Variants in TSPAN16 observed in about 807,000 individuals in gnomAD.
TSPAN16 encodes tetraspanin-16.
A neutral mutation model predicts 25.2 loss-of-function variants in TSPAN16; 23 were observed. The ratio of observed to expected loss-of-function variants is 0.91; its 90% CI spans 0.66 to 1.29. TSPAN16 has a LOEUF of 1.29. Ranked by LOEUF, TSPAN16 falls within the 50% of genes most tolerant of loss-of-function variation. The probability of loss-of-function intolerance (pLI) is 0.00; values close to 1 mark genes in which losing one functional copy is unlikely to be tolerated. For missense variants in TSPAN16, 272 were observed against 299.9 expected (o/e 0.91, Z 0.69); for synonymous variants, 123 against 124.4 (o/e 0.99, Z 0.08).
In TSPAN16 at chr19:11,326,748, T is replaced by C. The variant is rs373857835; in HGVS notation, c.688-46T>C. On this transcript the variant is annotated intron_variant, in intron 6 of 6. Coordinates refer to the TSPAN16 transcript ENST00000316737. ...CCCCCTGAGTAGCTGGGGCTACAGG[T>C]GTGCCCCACCATGCCCGGCTAATTT... is the stretch of plus-strand genomic sequence containing the variant. 784 of 695,022 alleles carry C rather than the reference T, an allele frequency of 1.1e-3. 10 individuals carry two copies. In the African/African-American group the frequency reaches 0.013, roughly 11 times the overall value. The allele number at this position is 695,022 out of a possible 1,614,324, so 43.1% of individuals were successfully genotyped here. A position where few individuals can be genotyped will look rare whatever the true frequency, so the allele number is the denominator to read the frequency against.
chr19:11,316,968 G>A (rs1599349739), downstream of TSPAN16, among the ~76,000 whole-genome samples: 2 of 150,142 alleles, frequency 1.3e-5, no homozygotes, highest in African/African-American at 2.4e-5. Flanking sequence ...CTGCCACCAC[G>A]CCTGGCTAAT....
In TSPAN16 at chr19:11,322,650, C is replaced by T. The variant is rs530068722; in HGVS notation, c.688-4144C>T. ...TCACCCCCCAAATCATTCAATGTAA[C>T]ATTTGCCTTATTTTTAGAAGAAACA... is the stretch of plus-strand genomic sequence containing the variant. On this transcript the variant is annotated intron_variant, in intron 6 of 6. Coordinates refer to the TSPAN16 transcript ENST00000316737. 6 of 152,318 alleles carry T rather than the reference C, an allele frequency of 3.9e-5. No individual in the cohort carries two copies. In the East Asian group the frequency reaches 9.6e-4, roughly 24 times the overall value. 9.4% of individuals were successfully genotyped at this position (152,318 alleles called of 1,614,324 possible).
intron 5 of TSPAN16, among the ~76,000 whole-genome samples, chr19:11,310,791 T>C (rs1016047625): frequency 6.6e-6 from 1 of 152,208 alleles, no homozygotes; most frequent in African/African-American, 2.4e-5. Flanking sequence ...GCTGGCTACA[T>C]GTCAGACCAC....
chr19:11,301,494 C>T (rs2080548843), intron 4 of TSPAN16, among the ~76,000 whole-genome samples, 186 bp downstream of exon 4: 1 of 151,634 alleles, frequency 6.6e-6, no homozygotes, highest in African/African-American at 2.4e-5. Flanking sequence ...ACAAAAATTA[C>T]CTCCGTGTGG....
intron 4 of TSPAN16, among the ~76,000 whole-genome samples, chr19:11,303,983 T>C (rs1025614093): frequency 1.3e-5 from 2 of 151,542 alleles, no homozygotes; most frequent in East Asian, 1.9e-4. Context: ...GACTTCACCA[T>C]GTTGGCCAGG....
In TSPAN16 at chr19:11,312,308, G is replaced by A. The variant is rs568692018; in HGVS notation, c.687+86G>A. ...ACACTGTTCTGGTCACTGGGACACAGGAGTGAACAAAACTAAAAAAAAAAA... is the reference window on the plus strand; with the variant it reads ...ACACTGTTCTGGTCACTGGGACACAAGAGTGAACAAAACTAAAAAAAAAAA... On this transcript the variant is annotated intron_variant, in intron 6 of 6. Transcript: ENST00000590327. The A allele has an allele frequency of 4.2e-5, 27 of 650,174 alleles. No individual in the cohort carries two copies. The Admixed American group carries it at 7.0e-4, about 17-fold the overall frequency. The allele number at this position is 650,174 out of a possible 1,614,324, so 40.3% of individuals were successfully genotyped here.
rs113369403 is a variant in TSPAN16, at chr19:11,326,213, T to G, written c.688-581T>G. 5.4e-3 allele frequency among the ~76,000 whole-genome samples: 780 copies of G among 145,428 alleles called. 10 individuals are homozygous for G. Among genetic ancestry groups the G allele is most frequent in the Non-Finnish European group, 8.9e-3 (600 of 67,464 alleles). ...CTCCAGCCTGGGCAACAGAGCGAGA[T>G]TCTATTAAAAAAAAAAAAATAGAGG... On this transcript the variant is annotated intron_variant, in intron 6 of 6. Transcript: ENST00000316737.
chr19:11,312,636 A>G (rs2080705463), intron 6 of TSPAN16, among the ~76,000 whole-genome samples: 1 of 151,818 alleles, frequency 6.6e-6, no homozygotes, highest in East Asian at 1.9e-4. Flanking sequence ...GTGGTGGCAG[A>G]TGCTTGTAGT....
downstream of TSPAN16, among the ~76,000 whole-genome samples, chr19:11,316,604 T>C (rs1045393724): frequency 6.6e-5 from 10 of 152,132 alleles, no homozygotes; most frequent in Non-Finnish European, 1.2e-4. Context: ...TAATTATATA[T>C]ATTTATAGGG....
rs148963941 is a variant in TSPAN16, at chr19:11,298,166, C to T, written c.94C>T (p.Leu32=). The T allele has an allele frequency of 3.7e-6, 6 of 1,614,008 alleles. No individual in the cohort carries two copies. The highest frequency in any genetic ancestry group is 1.7e-6 in the Non-Finnish European group (2 of 1,180,034). The change falls in exon 2 of 7, where the codon CTG becomes TTG. Residue 32 remains leucine (L), a synonymous_variant. Transcript: ENST00000590327. Reference sequence around the variant, plus strand: ...GGTGTCTGGCATCATCCTAGTTGGCCTGGGCATTGGTGGTAAATGTGGAGG... The same window carrying T: ...GGTGTCTGGCATCATCCTAGTTGGCTTGGGCATTGGTGGTAAATGTGGAGG... The part of the protein sequence containing the change: ...VAVSGIILVG[L]GIGGKCGGAS...
intron 5 of TSPAN16, among the ~76,000 whole-genome samples, chr19:11,308,975 G>C (rs1333869147): frequency 6.6e-6 from 1 of 152,128 alleles, no homozygotes; most frequent in African/African-American, 2.4e-5. Context: ...TCTGGTGGTT[G>C]AGGTGGGAGG....
intron 5 of TSPAN16, among the ~76,000 whole-genome samples, chr19:11,308,832 C>T (rs539139604): frequency 6.6e-6 from 1 of 152,118 alleles, no homozygotes; most frequent in African/African-American, 2.4e-5. Context: ...TGGTCTTGAA[C>T]TCCTGACCTC....
At chr19:11,316,967 C>T (rs899891591), downstream of TSPAN16, among the ~76,000 whole-genome samples, 11 of 150,346 alleles carry the variant, frequency 7.3e-5, no homozygotes, top group Non-Finnish European at 1.3e-4. Flanking sequence ...CCTGCCACCA[C>T]GCCTGGCTAA....
At chr19:11,315,722 A>G in intron 6 of TSPAN16, 69 bp from the exon 7 acceptor site, 1 of 1,173,110 alleles carries the variant, frequency 8.5e-7, no homozygotes, top group Non-Finnish European at 1.1e-6. Flanking sequence ...TTGTCCCCGT[A>G]ACTCCAGTAT....
intron 4 of TSPAN16, among the ~76,000 whole-genome samples, chr19:11,301,944 C>T (rs1490563993): frequency 6.7e-6 from 1 of 150,152 alleles, no homozygotes; most frequent in African/African-American, 2.5e-5. Context: ...CTGTCTTAGC[C>T]TCCCAAGTAG....
chr19:11,326,764 C>G (rs138084747), intron 6 of TSPAN16: 1 of 696,096 alleles, frequency 1.4e-6, no homozygotes, highest in South Asian at 1.5e-5. Flanking sequence ...CCACCATGCC[C>G]GGCTAATTTT....
In TSPAN16 at chr19:11,302,998, C is replaced by T. The variant is rs571852843; in HGVS notation, c.450+1690C>T. ...GAGGTGAGGGGCGCCTCTGCCCGGC[C>T]GCCCCTACTGGGAAGTGAGGAGCCC... is the stretch of plus-strand genomic sequence containing the variant. On this transcript the variant is annotated intron_variant, in intron 4 of 6. Coordinates refer to ENST00000590327, the MANE Select transcript of TSPAN16 (RefSeq NM_001282509.2). 1.0e-3 allele frequency among the ~76,000 whole-genome samples: 153 copies of T among 150,666 alleles called. 6 individuals are homozygous for T. The highest frequency in any genetic ancestry group is 3.4e-3 in the African/African-American group (136 of 40,292).
chr19:11,300,373 T>G (rs1291198985), intron 3 of TSPAN16, among the ~76,000 whole-genome samples: 1 of 152,122 alleles, frequency 6.6e-6, no homozygotes. Context: ...GGGATATTGA[T>G]CCACCAACTC....
chr19:11,313,011 C>T (rs564158501), intron 6 of TSPAN16, among the ~76,000 whole-genome samples: 6 of 152,178 alleles, frequency 3.9e-5, no homozygotes, highest in African/African-American at 1.4e-4. Flanking sequence ...GTAAATAGAT[C>T]TACAGCAAGT....
Sources: gnomAD v4.1 joint callset for allele counts (sites outside exome capture counted in the v4.1 genomes callset) on GRCh38, gnomAD v4.1.1 for gene constraint, MANE v1.5 for transcripts, NCBI Gene and HGNC (gene_info 2026-07-23, HGNC 2026-07-21) for gene names.